DCT: variants seen among roughly 807,000 people sequenced by gnomAD.
DCT encodes L-dopachrome tautomerase.
In DCT, 47 loss-of-function variants were observed where a neutral mutation model predicts 53.0. The ratio of observed to expected loss-of-function variants is 0.89; its 90% confidence interval spans 0.70 to 1.13. DCT has a LOEUF of 1.13. Among genes scored for constraint, DCT ranks in the 50% most tolerant of loss-of-function variants. The pLI, the probability that DCT is intolerant of heterozygous loss-of-function variation, is 0.00. For missense variants in DCT, 669 were observed against 637.4 expected, an observed-to-expected ratio of 1.05 and a Z score of -0.53; for synonymous variants, 244 against 237.0, an observed-to-expected ratio of 1.03 and a Z score of -0.27.
intron 4 of DCT, among the ~76,000 whole-genome samples, chr13:94,464,786 C>G (rs541895850): frequency 6.6e-6 from 1 of 152,154 alleles, no homozygotes; most frequent in Admixed American, 6.5e-5. Context: ...ATTCAAGGAG[C>G]CTTTGAGGAC....
the DCT span, among the ~76,000 whole-genome samples, chr13:94,540,179 T>C: frequency 6.6e-6 from 1 of 151,914 alleles, no homozygotes; most frequent in African/African-American, 2.4e-5. Context: ...TGAGAATAGA[T>C]CTCTGAGGTG....
the DCT span, among the ~76,000 whole-genome samples, chr13:94,492,753 A>G: frequency 6.6e-6 from 1 of 152,236 alleles, no homozygotes; most frequent in Non-Finnish European, 1.5e-5. Context: ...GAAAATGTAA[A>G]TCACTCATGT....
chr13:94,544,068 A>T, the DCT span, among the ~76,000 whole-genome samples: 1 of 151,208 alleles, frequency 6.6e-6, no homozygotes, highest in African/African-American at 2.4e-5. Flanking sequence ...TATGGATCTC[A>T]TTAATGCAAT....
At chr13:94,535,964 GCTC>G in the DCT span, among the ~76,000 whole-genome samples, 1 of 152,138 alleles carries the variant, frequency 6.6e-6, no homozygotes, top group African/African-American at 2.4e-5. Context: ...AGTCAATCTA[GCTC>G]CTCATCAGCA....
At chr13:94,447,623 T>G (rs372039138) in intron 6 of DCT, among the ~76,000 whole-genome samples, 1 of 152,198 alleles carries the variant, frequency 6.6e-6, no homozygotes, top group African/African-American at 2.4e-5. Context: ...TATTCTCCAA[T>G]CTTAACAATG....
At chr13:94,483,936 C>T (rs1885556453), upstream of DCT, among the ~76,000 whole-genome samples, 1 of 152,198 alleles carries the variant, frequency 6.6e-6, no homozygotes, top group South Asian at 2.1e-4. Context: ...GCAAAGATAA[C>T]CGAAAAAGAA....
chr13:94,516,734 T>G, the DCT span, among the ~76,000 whole-genome samples: 5 of 152,150 alleles, frequency 3.3e-5, no homozygotes, highest in African/African-American at 1.2e-4. Context: ...CCCCTCACCA[T>G]GTGATGCCCT....
At chr13:94,499,915 T>C in the DCT span, among the ~76,000 whole-genome samples, 13 of 152,326 alleles carry the variant, frequency 8.5e-5, no homozygotes, top group East Asian at 2.5e-3. Context: ...TGTATATATT[T>C]AAGGCATACA....
chr13:94,497,743 A>T, the DCT span, among the ~76,000 whole-genome samples: 30 of 152,178 alleles, frequency 2.0e-4, 2 homozygotes, highest in South Asian at 5.4e-3. Context: ...GGGGTGGCAG[A>T]GGTGGAAGAG....
the DCT span, among the ~76,000 whole-genome samples, chr13:94,497,259 C>T: frequency 5.3e-5 from 8 of 152,302 alleles, no homozygotes; most frequent in South Asian, 1.7e-3. Context: ...TGCTTTCAGA[C>T]TTGAACGGTA....
chr13:94,498,446 G>A, the DCT span, among the ~76,000 whole-genome samples: 1 of 152,174 alleles, frequency 6.6e-6, no homozygotes, highest in South Asian at 2.1e-4. Flanking sequence ...GAAATGATAA[G>A]GTCACAAGGG....
the DCT span, among the ~76,000 whole-genome samples, chr13:94,540,135 T>G: frequency 1.3e-5 from 2 of 152,128 alleles, no homozygotes; most frequent in Non-Finnish European, 2.9e-5. Flanking sequence ...GTGTTTAATG[T>G]AAAACATTGT....
intron 6 of DCT, among the ~76,000 whole-genome samples, chr13:94,453,509 G>A (rs900062979): frequency 1.3e-5 from 2 of 151,902 alleles, no homozygotes; most frequent in African/African-American, 4.8e-5. Context: ...CTTATTTAAA[G>A]TAAAGCAAAA....
Position 94,468,775 on chromosome 13 carries a change from T to C in DCT, c.566A>G (p.His189Arg), listed in dbSNP as rs761865888. Residue 189 changes from histidine to arginine, a missense_variant, in exon 2 of 8, where the codon CAT becomes CGT. By Grantham distance (29) the His-to-Arg change is conservative. Coordinates refer to ENST00000377028, the MANE Select transcript of DCT (RefSeq NM_001922.5). ...TAATGTATCTCTAACAGAATAATAATGGAGCCACACAAAAAAATCATAAAC... is the reference window on the plus strand; with the variant it reads ...TAATGTATCTCTAACAGAATAATAACGGAGCCACACAAAAAAATCATAAAC... ...CSVYDFFVWL[H>R]YYSVRDTLLG... The C allele has an allele frequency of 3.7e-6, 6 of 1,614,154 alleles. No homozygotes were observed. In the East Asian group the frequency reaches 1.1e-4, roughly 30 times the overall value.
the DCT span, among the ~76,000 whole-genome samples, chr13:94,507,358 A>C: frequency 2.0e-5 from 3 of 152,202 alleles, no homozygotes; most frequent in Non-Finnish European, 4.4e-5. Flanking sequence ...TTTGATAATA[A>C]AAAACATCTG....
chr13:94,454,748 G>A (rs1053177950), intron 6 of DCT, among the ~76,000 whole-genome samples: 13 of 152,264 alleles, frequency 8.5e-5, no homozygotes, highest in African/African-American at 3.1e-4. Context: ...TCTGTTAACT[G>A]AAATACTTTA....
intron 2 of DCT, 126 bp from the exon 3 acceptor site, chr13:94,466,784 T>G: frequency 2.1e-6 from 1 of 473,746 alleles, no homozygotes; most frequent in Non-Finnish European, 3.7e-6. Context: ...AAAAAAAAGT[T>G]TTGTTGTTAT....
chr13:94,527,001 A>G, the DCT span, among the ~76,000 whole-genome samples: 2 of 151,898 alleles, frequency 1.3e-5, no homozygotes, highest in Non-Finnish European at 2.9e-5. Context: ...TGCCACGCCC[A>G]TGGAGCCTTG....
chr13:94,460,316 T>G, intron 5 of DCT, 90 bp from the exon 6 acceptor site: 1 of 1,254,550 alleles, frequency 8.0e-7, no homozygotes, highest in Non-Finnish European at 1.1e-6. Flanking sequence ...AGTTGTCTAA[T>G]TTGAGATTGG....
Sources: gnomAD v4.1 joint callset for allele counts (sites outside exome capture counted in the v4.1 genomes callset) on GRCh38, gnomAD v4.1.1 for gene constraint, MANE v1.5 for transcripts, NCBI Gene and HGNC (gene_info 2026-07-23, HGNC 2026-07-21) for gene names.